Variants in GRIK2 observed in about 807,000 individuals in gnomAD.
GRIK2 encodes the protein glutamate receptor ionotropic, kainate 2.
In GRIK2, 32 loss-of-function variants were observed where a neutral mutation model predicts 100.3. The ratio of observed to expected loss-of-function variants is 0.32; its 90% confidence interval spans 0.24 to 0.43. GRIK2 has a LOEUF of 0.43. Among genes scored for constraint, GRIK2 ranks in the 20% least tolerant of loss-of-function variants. The pLI, the probability that GRIK2 is intolerant of heterozygous loss-of-function variation, is 1.00. For missense variants in GRIK2, 843 were observed against 1,114.9 expected (o/e 0.76, Z 3.47); for synonymous variants, 417 against 389.4 (o/e 1.07, Z -0.83).
intron 11 of GRIK2, among the ~76,000 whole-genome samples, chr6:101,875,654 T>C (rs773673927): frequency 6.6e-6 from 1 of 151,902 alleles, no homozygotes; most frequent in Non-Finnish European, 1.5e-5. Flanking sequence ...ATGAGTTTTC[T>C]TTTGACTCAT....
chr6:101,728,171 G>A (rs184208583), intron 7 of GRIK2, among the ~76,000 whole-genome samples: 3 of 151,886 alleles, frequency 2.0e-5, no homozygotes, highest in African/African-American at 7.3e-5. Context: ...ATTTTATTGA[G>A]GTAATAGCAA....
chr6:101,536,243 G>A (rs2749081), intron 2 of GRIK2, among the ~76,000 whole-genome samples: 88,272 of 151,392 alleles, frequency 0.58, 26,011 homozygotes, highest in Middle Eastern at 0.66. Flanking sequence ...CATGTTGTAC[G>A]TCAGAGATGA....
At chr6:101,884,601 T>C (rs1786488465) in intron 11 of GRIK2, among the ~76,000 whole-genome samples, 1 of 152,172 alleles carries the variant, frequency 6.6e-6, no homozygotes, top group African/African-American at 2.4e-5. Context: ...TTATAAGATA[T>C]AATCAGTAGA....
At chr6:102,020,277 T>G (rs1769357978) in intron 14 of GRIK2, among the ~76,000 whole-genome samples, 1 of 151,938 alleles carries the variant, frequency 6.6e-6, no homozygotes. Flanking sequence ...GTTAAAACAT[T>G]GTATGGAAGA....
At chr6:102,066,555 T>C (rs143028153) in intron 16 of GRIK2, among the ~76,000 whole-genome samples, 23 of 151,392 alleles carry the variant, frequency 1.5e-4, no homozygotes, top group Non-Finnish European at 1.2e-4. Context: ...TGTCCTGAGG[T>C]AGGGGATAAA....
chr6:101,632,796 C>A (rs1780825586), intron 4 of GRIK2, among the ~76,000 whole-genome samples: 1 of 152,042 alleles, frequency 6.6e-6, no homozygotes, highest in South Asian at 2.1e-4. Context: ...AATAACACTA[C>A]ACTCTAGTGT....
chr6:101,955,622 C>A (rs1005451481), intron 14 of GRIK2, among the ~76,000 whole-genome samples: 2 of 133,872 alleles, frequency 1.5e-5, no homozygotes, highest in African/African-American at 5.5e-5. Flanking sequence ...CTCTCCCCCC[C>A]ATTTCTTTTA....
rs529092791 is a variant in GRIK2 at position 101,963,604 on chromosome 6, G to A, written c.2085+34972G>A. 2.0e-3 allele frequency among the ~76,000 whole-genome samples: 287 copies of A among 141,836 alleles called. 1 individual carries two copies. The highest frequency in any genetic ancestry group is 5.9e-3 in the African/African-American group (226 of 38,080). The allele number at this position is 141,836 out of a possible 152,430, so 93.0% of individuals were successfully genotyped here. ...CCTGACCTCGTGATCCACCCGCCTC[G>A]CCCTCCCAAAGTGCTGGGATTACAG... On this transcript the variant is annotated intron_variant, in intron 14 of 16. Transcript: ENST00000369134.
At chr6:101,799,218 T>C (rs897634199) in intron 7 of GRIK2, among the ~76,000 whole-genome samples, 1 of 152,066 alleles carries the variant, frequency 6.6e-6, no homozygotes, top group Non-Finnish European at 1.5e-5. Context: ...AACTGTTTAC[T>C]TACTTTTATA....
At chr6:102,034,255 G>A (rs2114421312) in intron 14 of GRIK2, among the ~76,000 whole-genome samples, 1 of 151,390 alleles carries the variant, frequency 6.6e-6, no homozygotes, top group African/African-American at 2.4e-5. Context: ...CATTGAAACA[G>A]TGCCAGGATT....
intron 2 of GRIK2, among the ~76,000 whole-genome samples, chr6:101,484,492 A>G (rs1772707465): frequency 6.6e-6 from 1 of 151,866 alleles, no homozygotes; most frequent in Non-Finnish European, 1.5e-5. Flanking sequence ...TTGCTAATTG[A>G]TTCTTACACT....
intron 7 of GRIK2, among the ~76,000 whole-genome samples, chr6:101,784,344 A>T (rs1469128258): frequency 2.0e-5 from 3 of 152,234 alleles, no homozygotes; most frequent in Non-Finnish European, 4.4e-5. Flanking sequence ...ACATTTACCC[A>T]ATGCCTGTAC....
intron 14 of GRIK2, among the ~76,000 whole-genome samples, chr6:102,034,328 C>A (rs17062766): frequency 1.1e-4 from 16 of 151,190 alleles, no homozygotes; most frequent in African/African-American, 3.4e-4. Flanking sequence ...CATTTATTTC[C>A]TTGCACATGT....
rs1774498208 is a variant in GRIK2, at chr6:101,514,768, T to A, written c.116-107181T>A. ...TGATGATAACATGTCTCTTTAAGTT[T>A]TTTTGAGAATAAAGTAAGGTCGCTG... On this transcript the variant is annotated intron_variant, in intron 2 of 16. Coordinates refer to ENST00000369134, the MANE Select transcript of GRIK2 (RefSeq NM_021956.5). 2.0e-5 allele frequency among the ~76,000 whole-genome samples: 3 copies of A among 152,248 alleles called. No homozygotes were observed. In the South Asian group the frequency reaches 6.2e-4, roughly 32 times the overall value.
At chr6:101,455,826 T>G (rs1363902894) in intron 2 of GRIK2, among the ~76,000 whole-genome samples, 4 of 152,146 alleles carry the variant, frequency 2.6e-5, no homozygotes, top group African/African-American at 9.6e-5. Flanking sequence ...TATGACTCAA[T>G]GAGATAACTT....
chr6:101,867,576 T>A (rs2128446784), intron 11 of GRIK2, among the ~76,000 whole-genome samples: 1 of 151,774 alleles, frequency 6.6e-6, no homozygotes, highest in Non-Finnish European at 1.5e-5. Context: ...TCAACAACCA[T>A]TTATTGAATA....
At chr6:101,759,022 T>C (rs2128388777) in intron 7 of GRIK2, among the ~76,000 whole-genome samples, 1 of 152,316 alleles carries the variant, frequency 6.6e-6, no homozygotes, top group South Asian at 2.1e-4. Flanking sequence ...AGTCTTCTTT[T>C]TGTAATATTC....
At chr6:101,588,686 A>AC (rs1280438739) in intron 2 of GRIK2, among the ~76,000 whole-genome samples, 3 of 151,568 alleles carry the variant, frequency 2.0e-5, no homozygotes, top group African/African-American at 4.9e-5. Flanking sequence ...ACACACACAG[A>AC]AAAGAAAGAA....
At chr6:101,721,817 C>T (rs1774506774) in intron 7 of GRIK2, among the ~76,000 whole-genome samples, 1 of 151,898 alleles carries the variant, frequency 6.6e-6, no homozygotes. Flanking sequence ...ATTTAATTCA[C>T]TACATGTATA....
Sources: gnomAD v4.1 joint callset for allele counts (sites outside exome capture counted in the v4.1 genomes callset) on GRCh38, gnomAD v4.1.1 for gene constraint, MANE v1.5 for transcripts, NCBI Gene and HGNC (gene_info 2026-07-23, HGNC 2026-07-21) for gene names.